PGM5: variants seen among roughly 807,000 people sequenced by gnomAD.
PGM5 encodes phosphoglucomutase-like protein 5.
PGM5 carries 23 observed loss-of-function variants against 59.2 expected under a neutral mutation model. That is an observed-to-expected ratio of 0.39 (90% CI 0.28 to 0.55). The LOEUF (loss-of-function observed/expected upper bound fraction) is 0.55, where lower values mean the gene tolerates loss of function less well. Ranked by LOEUF, PGM5 falls within the 20% of genes least tolerant of loss-of-function variation. The pLI is 0.66. For synonymous variants in PGM5, 214 were observed against 286.0 expected (o/e 0.75, Z 2.54); for missense variants, 574 against 748.3 (o/e 0.77, Z 2.72).
At chr9:68,451,285 C>T (rs77384236) in intron 6 of PGM5, among the ~76,000 whole-genome samples, 3,769 of 152,316 alleles carry the variant, frequency 0.025, 144 homozygotes, top group African/African-American at 0.084. Context: ...TAAAATACCA[C>T]ATGTTGTCAC....
chr9:68,365,789 T>C (rs1834668077), intron 1 of PGM5, among the ~76,000 whole-genome samples: 1 of 152,194 alleles, frequency 6.6e-6, no homozygotes, highest in African/African-American at 2.4e-5. Flanking sequence ...GGATTTCTAA[T>C]GGAAAGAGAA....
intron 7 of PGM5, among the ~76,000 whole-genome samples, chr9:68,467,954 A>G (rs1823960421): frequency 1.3e-5 from 2 of 152,144 alleles, no homozygotes; most frequent in Non-Finnish European, 2.9e-5. Context: ...TTTAAAATAT[A>G]TAATCACATA....
chr9:68,435,691 A>G (rs1823432366), intron 6 of PGM5, among the ~76,000 whole-genome samples: 1 of 152,032 alleles, frequency 6.6e-6, no homozygotes, highest in Admixed American at 6.5e-5. Context: ...TGGGTTGTTT[A>G]TATTTTTTGT....
chr9:68,515,660 A>G (rs1282177280), intron 10 of PGM5, among the ~76,000 whole-genome samples: 1 of 152,228 alleles, frequency 6.6e-6, no homozygotes, highest in African/African-American at 2.4e-5. Flanking sequence ...TCTTGCTGAC[A>G]CAGAGAGATG....
intron 10 of PGM5, among the ~76,000 whole-genome samples, chr9:68,529,164 C>CGTGT (rs3223716): frequency 0.16 from 21,661 of 131,704 alleles, 1,954 homozygotes; most frequent in Admixed American, 0.21. Context: ...CTTTTATTCT[C>CGTGT]GTGTGTGTGT....
At chr9:68,392,021 C>A (rs1822377534) in intron 5 of PGM5, among the ~76,000 whole-genome samples, 2 of 152,074 alleles carry the variant, frequency 1.3e-5, no homozygotes, top group South Asian at 4.1e-4. Flanking sequence ...AAGAAATCAG[C>A]TATTTCTGCA....
intron 6 of PGM5, among the ~76,000 whole-genome samples, chr9:68,395,530 G>A (rs1822476969): frequency 6.6e-6 from 1 of 151,990 alleles, no homozygotes; most frequent in African/African-American, 2.4e-5. Context: ...GAGCCATTTG[G>A]GGAGAATAGT....
At chr9:68,422,107 AT>A in intron 6 of PGM5, among the ~76,000 whole-genome samples, 1 of 151,966 alleles carries the variant, frequency 6.6e-6, no homozygotes, top group East Asian at 1.9e-4. Context: ...AAAAAAAAAA[AT>A]TTAGAAGCTA....
At chr9:68,373,319 T>A (rs1408430878) in intron 1 of PGM5, among the ~76,000 whole-genome samples, 1 of 151,876 alleles carries the variant, frequency 6.6e-6, no homozygotes, top group East Asian at 1.9e-4. Flanking sequence ...GATGGGTTAA[T>A]GAGCAGATCT....
At chr9:68,463,615 G>A (rs1465769476) in intron 6 of PGM5, among the ~76,000 whole-genome samples, 4 of 152,154 alleles carry the variant, frequency 2.6e-5, no homozygotes, top group Admixed American at 6.5e-5. Context: ...CTCTGAGCCT[G>A]AAACTTGACA....
At chr9:68,499,013 A>T (rs11793501) in intron 9 of PGM5, 1 of 547,042 alleles carries the variant, frequency 1.8e-6, no homozygotes, top group South Asian at 2.3e-5. Context: ...CACATTAACC[A>T]CAAAGCAACG....
chr9:68,480,654 G>A lies in PGM5; in HGVS notation c.1295+1101G>A, dbSNP rs559283963. On this transcript the variant is annotated intron_variant, in intron 8 of 10. Coordinates refer to ENST00000396396, the MANE Select transcript of PGM5 (RefSeq NM_021965.4). ...GCAGAAGTTGCAGTGAGTGGAGATC[G>A]TGCCACTGCACTACAGCCTGGGCAA... Among the ~76,000 whole-genome samples, 8 of 151,314 alleles carry A rather than the reference G, an allele frequency of 5.3e-5. No individual in the cohort carries two copies. The South Asian group carries it at 1.7e-3, about 32-fold the overall frequency.
At chr9:68,483,814 C>A (rs782306675) in intron 8 of PGM5, 51 bp from the exon 9 acceptor site, 1 of 1,550,026 alleles carries the variant, frequency 6.5e-7, no homozygotes, top group East Asian at 2.3e-5. Context: ...AGTGGGCCAC[C>A]CAGTTGCTGG....
At chr9:68,480,857 A>G (rs150238794) in intron 8 of PGM5, among the ~76,000 whole-genome samples, 53 of 152,288 alleles carry the variant, frequency 3.5e-4, no homozygotes, top group Middle Eastern at 3.4e-3. Flanking sequence ...AATGAAAGTA[A>G]GAGTATTCTG....
chr9:68,383,420 C>A (rs1304742559), intron 2 of PGM5, among the ~76,000 whole-genome samples: 1 of 151,224 alleles, frequency 6.6e-6, no homozygotes, highest in Non-Finnish European at 1.5e-5. Context: ...TCTACTAACT[C>A]TTCAAAATTT....
intron 6 of PGM5, among the ~76,000 whole-genome samples, chr9:68,393,423 C>G (rs1157066264): frequency 6.6e-6 from 1 of 151,960 alleles, no homozygotes; most frequent in Non-Finnish European, 1.5e-5. Flanking sequence ...CCTGCTTTTT[C>G]TTTTCCATCA....
chr9:68,471,690 C>T (rs569886666), intron 7 of PGM5, among the ~76,000 whole-genome samples: 28 of 151,212 alleles, frequency 1.9e-4, no homozygotes, highest in African/African-American at 5.1e-4. Context: ...GAAGCCAAGG[C>T]GGGTGAACTC....
At chr9:68,441,330 A>T (rs1021678159) in intron 6 of PGM5, among the ~76,000 whole-genome samples, 6 of 152,168 alleles carry the variant, frequency 3.9e-5, no homozygotes, top group African/African-American at 1.4e-4. Context: ...TAGAATTTTT[A>T]AAAAAGAAAA....
At chr9:68,388,453 G>A (rs1822284113) in intron 4 of PGM5, among the ~76,000 whole-genome samples, 7 of 150,596 alleles carry the variant, frequency 4.6e-5, no homozygotes, top group Admixed American at 4.6e-4. Context: ...TGAGCATGCT[G>A]TCATCATGAA....
Sources: allele counts gnomAD v4.1 joint callset (sites outside exome capture counted in the v4.1 genomes callset), GRCh38; gene constraint gnomAD v4.1.1; transcripts MANE v1.5; gene names NCBI Gene and HGNC (gene_info 2026-07-23, HGNC 2026-07-21).